Variants in WDR70 observed in about 807,000 individuals in gnomAD.
WDR70 encodes WD repeat domain 70.
In WDR70, 53 loss-of-function variants were observed where a neutral mutation model predicts 88.6. That is an observed-to-expected ratio of 0.60 (90% CI 0.48 to 0.75). WDR70 has a LOEUF of 0.75. Ranked by LOEUF, WDR70 falls within the 30% of genes least tolerant of loss-of-function variation. The pLI is 0.00. For missense variants in WDR70, 610 were observed against 823.2 expected (o/e 0.74, Z 3.17); for synonymous variants, 280 against 270.0 (o/e 1.04, Z -0.36).
intron 12 of WDR70, among the ~76,000 whole-genome samples, chr5:37,702,278 A>G (rs1431656341): frequency 2.0e-5 from 3 of 152,224 alleles, no homozygotes; most frequent in African/African-American, 4.8e-5. Context: ...TGCTAACTAT[A>G]TAACTTCTGA....
chr5:37,387,749 G>A (rs1343170463), intron 3 of WDR70, among the ~76,000 whole-genome samples: 2 of 151,800 alleles, frequency 1.3e-5, no homozygotes, highest in Non-Finnish European at 2.9e-5. Flanking sequence ...AGCAAATTAT[G>A]AAATTGAAGA....
At chr5:37,381,020 A>C (rs1748408666) in intron 2 of WDR70, among the ~76,000 whole-genome samples, 1 of 152,146 alleles carries the variant, frequency 6.6e-6, no homozygotes, top group South Asian at 2.1e-4. Flanking sequence ...AATAGGGGAA[A>C]ATTTTAAGAG....
chr5:37,657,045 A>G (rs891465336), intron 10 of WDR70, among the ~76,000 whole-genome samples: 3 of 152,164 alleles, frequency 2.0e-5, no homozygotes, highest in Non-Finnish European at 4.4e-5. Context: ...CCAGGGTATG[A>G]AAAGAAACTC....
intron 7 of WDR70, among the ~76,000 whole-genome samples, chr5:37,453,541 C>T (rs1738741048): frequency 6.6e-6 from 1 of 152,212 alleles, no homozygotes; most frequent in Admixed American, 6.5e-5. Flanking sequence ...TCCTTGCCCT[C>T]ATTCCGGTAA....
chr5:37,530,669 T>C (rs987098525), intron 9 of WDR70, among the ~76,000 whole-genome samples: 9 of 152,024 alleles, frequency 5.9e-5, no homozygotes, highest in African/African-American at 2.2e-4. Flanking sequence ...TTTTTTCTAA[T>C]TGTGCTTATT....
rs1401560448 is a variant in WDR70 at position 37,385,970 on chromosome 5, A to T, written c.175+4285A>T. Among the ~76,000 whole-genome samples the T allele has an allele frequency of 2.1e-5, 3 of 139,586 alleles. No individual in the cohort carries two copies. In the Admixed American group the frequency reaches 2.2e-4, roughly 10 times the overall value. 91.6% of individuals were successfully genotyped at this position (139,586 alleles called of 152,430 possible). A position where few individuals can be genotyped will look rare whatever the true frequency, so the allele number is the denominator to read the frequency against. On this transcript the variant is annotated intron_variant, in intron 3 of 17. Coordinates refer to ENST00000265107, the MANE Select transcript of WDR70 (RefSeq NM_018034.4). The stretch of plus-strand genomic sequence containing the variant: ...AGGTACCGGACACCATGCCTGGCTA[A>T]TTTTTTTTTTTTTTTTGTATTTTTA...
At chr5:37,539,894 T>C (rs1209752323) in intron 9 of WDR70, among the ~76,000 whole-genome samples, 1 of 152,194 alleles carries the variant, frequency 6.6e-6, no homozygotes, top group African/African-American at 2.4e-5. Flanking sequence ...GTCCCAAAAT[T>C]CTGTCTTTTA....
chr5:37,427,233 C>A (rs919796140), intron 5 of WDR70, among the ~76,000 whole-genome samples: 2 of 151,860 alleles, frequency 1.3e-5, no homozygotes, highest in Non-Finnish European at 2.9e-5. Flanking sequence ...ACTAAAAATA[C>A]AAAAAATTAG....
intron 9 of WDR70, among the ~76,000 whole-genome samples, chr5:37,529,236 G>C (rs958445391): frequency 3.9e-5 from 6 of 152,096 alleles, no homozygotes; most frequent in African/African-American, 1.4e-4. Flanking sequence ...TTATAGTATA[G>C]TTTGAAGTCA....
chr5:37,636,816 C>T (rs1744979630), intron 10 of WDR70, among the ~76,000 whole-genome samples: 1 of 151,954 alleles, frequency 6.6e-6, no homozygotes, highest in African/African-American at 2.4e-5. Flanking sequence ...CAACTAAATG[C>T]AATGTGAGAT....
intron 5 of WDR70, among the ~76,000 whole-genome samples, chr5:37,422,921 C>T (rs1749990399): frequency 1.3e-5 from 2 of 152,176 alleles, no homozygotes; most frequent in South Asian, 4.1e-4. Flanking sequence ...AGCCACTGCA[C>T]CTGGCCAAAT....
In WDR70 at chr5:37,479,933, A is replaced by G. The variant is rs1739611176; in HGVS notation, c.786A>G (p.Glu262=). The part of the protein sequence containing the change: ...QAKVIDRDGF[E]VMECIKGDQY... ...AGGTGATTGACAGAGATGGTTTTGA[A>G]GTAATGGAATGTATAAAAGGAGACC... The change falls in exon 8 of 18, where the codon GAA becomes GAG. Residue 262 remains glutamate (E), a synonymous_variant. Transcript: ENST00000265107. 6.2e-7 allele frequency: 1 copy of G among 1,614,048 alleles called. No individual in the cohort carries two copies. Among genetic ancestry groups the G allele is most frequent in the African/African-American group, 1.3e-5 (1 of 74,932 alleles).
intron 5 of WDR70, among the ~76,000 whole-genome samples, chr5:37,418,707 A>G (rs1749840047): frequency 6.6e-6 from 1 of 152,046 alleles, no homozygotes; most frequent in Non-Finnish European, 1.5e-5. Context: ...AGTACTTTCT[A>G]AAAACTTTTT....
chr5:37,575,610 G>A (rs1020601348), intron 9 of WDR70, among the ~76,000 whole-genome samples: 1 of 152,160 alleles, frequency 6.6e-6, no homozygotes, highest in Non-Finnish European at 1.5e-5. Flanking sequence ...CATGCCAGGA[G>A]CCTACCCAAC....
intron 8 of WDR70, chr5:37,506,066 A>T (rs748743505): frequency 1.8e-4 from 230 of 1,311,596 alleles, no homozygotes; most frequent in Non-Finnish European, 2.4e-4. Context: ...ATCCAGAGAG[A>T]TCACCTCATT....
chr5:37,548,625 G>A (rs1328800570), intron 9 of WDR70, among the ~76,000 whole-genome samples: 2 of 152,034 alleles, frequency 1.3e-5, no homozygotes, highest in Admixed American at 6.5e-5. Flanking sequence ...TTCCTTTGCT[G>A]TGCAGAAACT....
chr5:37,558,496 T>A (rs1241617631), intron 9 of WDR70, among the ~76,000 whole-genome samples: 1 of 135,380 alleles, frequency 7.4e-6, no homozygotes, highest in African/African-American at 2.6e-5. Context: ...TAAAAAAAAA[T>A]TTTTTTTTTT....
intron 10 of WDR70, among the ~76,000 whole-genome samples, chr5:37,693,728 T>C (rs919305705): frequency 6.6e-6 from 1 of 152,154 alleles, no homozygotes; most frequent in African/African-American, 2.4e-5. Flanking sequence ...AAGACTTAAA[T>C]GTTAGACCTA....
Position 37,649,733 on chromosome 5 carries a change from C to CTTTT in WDR70, c.1092+44514_1092+44517dup, listed in dbSNP as rs70978834. On this transcript the variant is annotated intron_variant, in intron 10 of 17. Transcript: ENST00000265107. The stretch of plus-strand genomic sequence containing the variant: ...ATATACATTCACGATGTTATTACTT[C>CTTTT]TTTTTTTTTTTTTTTTTTTTTTGAG... Among the ~76,000 whole-genome samples the CTTTT allele has an allele frequency of 9.1e-3, 625 of 68,718 alleles. 86 individuals carry two copies. Among genetic ancestry groups the CTTTT allele is most frequent in the African/African-American group, 0.025 (388 of 15,600 alleles). The allele number at this position is 68,718 out of a possible 152,430, so 45.1% of individuals were successfully genotyped here.
Sources: gnomAD v4.1 joint callset for allele counts (sites outside exome capture counted in the v4.1 genomes callset) on GRCh38, gnomAD v4.1.1 for gene constraint, MANE v1.5 for transcripts, NCBI Gene and HGNC (gene_info 2026-07-23, HGNC 2026-07-21) for gene names.